The following TRIM44 variants were observed in gnomAD, a reference collection of about 807,000 sequenced individuals.
The protein encoded by TRIM44 is tripartite motif containing 44, also known as tripartite motif-containing protein 44.
A neutral mutation model predicts 37.4 loss-of-function variants in TRIM44; 13 were observed. That is an observed-to-expected ratio of 0.35 (90% CI 0.23 to 0.55). The LOEUF is 0.55. Ranked by LOEUF, TRIM44 falls within the 20% of genes least tolerant of loss-of-function variation. The pLI is 0.89. For missense variants in TRIM44, 426 were observed against 437.2 expected (o/e 0.97, Z 0.23); for synonymous variants, 175 against 157.2 (o/e 1.11, Z -0.85).
At chr11:35,677,413 TA>T (rs765867393) in intron 1 of TRIM44, among the ~76,000 whole-genome samples, 48 of 151,532 alleles carry the variant, frequency 3.2e-4, no homozygotes, top group African/African-American at 5.1e-4. Flanking sequence ...ATTAGTAAAA[TA>T]TTTTTTTTAT....
intron 4 of TRIM44, among the ~76,000 whole-genome samples, chr11:35,737,944 T>G (rs923802635): frequency 2.6e-5 from 4 of 152,194 alleles, no homozygotes; most frequent in Non-Finnish European, 5.9e-5. Flanking sequence ...GGTTCGGTTT[T>G]TATCATTTTC....
intron 2 of TRIM44, among the ~76,000 whole-genome samples, chr11:35,699,079 A>G (rs1851744820): frequency 6.8e-6 from 1 of 147,958 alleles, no homozygotes; most frequent in Non-Finnish European, 1.5e-5. Context: ...AGGTTTGTCA[A>G]AGATCAGATA....
In TRIM44 at chr11:35,737,384, C is replaced by T. The variant is rs117495305; in HGVS notation, c.1007+1939C>T. Among the ~76,000 whole-genome samples the T allele has an allele frequency of 1.2e-3, 176 of 152,176 alleles. 2 individuals carry two copies. In the East Asian group the frequency reaches 0.027, roughly 23 times the overall value. ...AATGGAAAATGAATTGGAGGTGGATCGAGAGCCTGGGAGACTTCCAGGCAC... is the reference window on the plus strand; with the variant it reads ...AATGGAAAATGAATTGGAGGTGGATTGAGAGCCTGGGAGACTTCCAGGCAC... On this transcript the variant is annotated intron_variant, in intron 4 of 4. Coordinates refer to ENST00000299413, the MANE Select transcript of TRIM44 (RefSeq NM_017583.6).
Position 35,766,751 on chromosome 11 carries a change from G to C in TRIM44, c.1007+31306G>C, listed in dbSNP as rs115259196. ...CATCTCTTACTAATTCAGTGACCATGAATAAGCTCCAACATCTTAGAACCT... is the reference window on the plus strand; with the variant it reads ...CATCTCTTACTAATTCAGTGACCATCAATAAGCTCCAACATCTTAGAACCT... On this transcript the variant is annotated intron_variant, in intron 4 of 4. Transcript: ENST00000299413. Among the ~76,000 whole-genome samples, 1,263 of 152,290 alleles carry C rather than the reference G, an allele frequency of 8.3e-3. 16 individuals carry two copies. Among genetic ancestry groups the C allele is most frequent in the African/African-American group, 0.028 (1,173 of 41,564 alleles).
At chr11:35,706,416 G>A (rs543696790) in intron 2 of TRIM44, among the ~76,000 whole-genome samples, 1 of 152,266 alleles carries the variant, frequency 6.6e-6, no homozygotes, top group Non-Finnish European at 1.5e-5. Context: ...ATTTTATGAG[G>A]CCAGCATCAT....
chr11:35,691,245 GTC>G (rs1401092254), intron 2 of TRIM44, among the ~76,000 whole-genome samples: 1 of 152,204 alleles, frequency 6.6e-6, no homozygotes, highest in African/African-American at 2.4e-5. Flanking sequence ...TGCTCCCTCA[GTC>G]TTGCTCTAGG....
chr11:35,735,564 T>G (rs1652419236), intron 4 of TRIM44, 119 bp downstream of exon 4: 1 of 995,720 alleles, frequency 1.0e-6, no homozygotes, highest in African/African-American at 1.6e-5. Context: ...GATCTCTATC[T>G]TAAGCCTGGG....
intron 2 of TRIM44, among the ~76,000 whole-genome samples, chr11:35,724,942 T>C (rs1852152799): frequency 1.3e-5 from 2 of 152,166 alleles, no homozygotes; most frequent in Admixed American, 1.3e-4. Context: ...AAAAAACTCA[T>C]ATGCGTATAT....
rs1220280862 is a variant in TRIM44, at chr11:35,814,297, G to A, written c.*7912G>A. The A allele has an allele frequency of 6.6e-6, 1 of 152,168 alleles. No homozygotes were observed. The highest frequency in any genetic ancestry group is 1.5e-5 in the Non-Finnish European group (1 of 68,024). 9.4% of individuals were successfully genotyped at this position (152,168 alleles called of 1,614,324 possible). A position where few individuals can be genotyped will look rare whatever the true frequency, so the allele number is the denominator to read the frequency against. On this transcript the variant is annotated 3_prime_UTR_variant, in exon 5 of 5. Transcript: ENST00000299413. ...GACAGCTTGTGGTTGGTGGTTTCTAGAAGAAATAATTCAGAAGCAAAAGAC... is the reference window on the plus strand; with the variant it reads ...GACAGCTTGTGGTTGGTGGTTTCTAAAAGAAATAATTCAGAAGCAAAAGAC...
Position 35,705,862 on chromosome 11 carries a change from C to G in TRIM44, c.748-20062C>G, listed in dbSNP as rs532171407. Among the ~76,000 whole-genome samples the G allele has an allele frequency of 4.0e-5, 6 of 148,358 alleles. No individual in the cohort carries two copies. In the East Asian group the frequency reaches 7.9e-4, roughly 19 times the overall value. On this transcript the variant is annotated intron_variant, in intron 2 of 4. Coordinates refer to ENST00000299413, the MANE Select transcript of TRIM44 (RefSeq NM_017583.6). ...ATCACAATTAAAAGAACTAGAAAAGCAAGAGCAAACACATTCAAAAGCTAG... is the reference window on the plus strand; with the variant it reads ...ATCACAATTAAAAGAACTAGAAAAGGAAGAGCAAACACATTCAAAAGCTAG...
chr11:35,754,777 A>G lies in TRIM44; in HGVS notation c.1007+19332A>G, dbSNP rs545209068. 2.0e-5 allele frequency among the ~76,000 whole-genome samples: 3 copies of G among 151,086 alleles called. No homozygotes were observed. In the East Asian group the frequency reaches 5.9e-4, roughly 30 times the overall value. On this transcript the variant is annotated intron_variant, in intron 4 of 4. Transcript: ENST00000299413. Reference sequence around the variant, plus strand: ...GTGTTTGGTTTTTTGTTCTTGCAATAGTTTGCTGAGAATGATGGTTTCCAG... The same window carrying G: ...GTGTTTGGTTTTTTGTTCTTGCAATGGTTTGCTGAGAATGATGGTTTCCAG...
At chr11:35,702,459 G>A (rs1851802120) in intron 2 of TRIM44, among the ~76,000 whole-genome samples, 1 of 152,204 alleles carries the variant, frequency 6.6e-6, no homozygotes, top group African/African-American at 2.4e-5. Flanking sequence ...CCTATGAACG[G>A]AATCTGCCGT....
chr11:35,723,071 T>C (rs1308475775), intron 2 of TRIM44, among the ~76,000 whole-genome samples: 1 of 148,186 alleles, frequency 6.7e-6, no homozygotes, highest in African/African-American at 2.5e-5. Context: ...CTTCCAACTC[T>C]CTCCCTCCCT....
chr11:35,705,300 C>T (rs1372699490), intron 2 of TRIM44, among the ~76,000 whole-genome samples: 1 of 152,074 alleles, frequency 6.6e-6, no homozygotes, highest in African/African-American at 2.4e-5. Context: ...TAGATTCCCA[C>T]ACAATAATAA....
At chr11:35,663,876 T>C in intron 1 of TRIM44, 96 bp downstream of exon 1, 1 of 1,420,708 alleles carries the variant, frequency 7.0e-7, no homozygotes, top group Non-Finnish European at 9.5e-7. Flanking sequence ...TTTCACTGTG[T>C]CCCTAAGAAG....
intron 1 of TRIM44, among the ~76,000 whole-genome samples, chr11:35,676,706 T>G (rs1282959736): frequency 6.6e-6 from 1 of 152,184 alleles, no homozygotes; most frequent in African/African-American, 2.4e-5. Context: ...GATGTAAGGT[T>G]AAGTTTATAT....
chr11:35,744,609 G>A (rs1852462744), intron 4 of TRIM44, among the ~76,000 whole-genome samples: 1 of 151,984 alleles, frequency 6.6e-6, no homozygotes, highest in Non-Finnish European at 1.5e-5. Flanking sequence ...GGACGTGCAG[G>A]TTTGTTACAT....
intron 1 of TRIM44, among the ~76,000 whole-genome samples, chr11:35,673,500 AAT>A (rs1851424249): frequency 6.6e-6 from 1 of 152,266 alleles, no homozygotes; most frequent in African/African-American, 2.4e-5. Flanking sequence ...CTATGGAGGG[AAT>A]ATGAGATTAT....
Position 35,757,371 on chromosome 11 carries a change from C to T in TRIM44, c.1007+21926C>T, listed in dbSNP as rs548635948. On this transcript the variant is annotated intron_variant, in intron 4 of 4. Coordinates refer to ENST00000299413, the MANE Select transcript of TRIM44 (RefSeq NM_017583.6). ...ATATCCCCTTTATCATTTTTTATTG[C>T]GTCTATTTGATTCTTCTCTCTTTTC... Among the ~76,000 whole-genome samples the T allele has an allele frequency of 1.9e-3, 286 of 151,902 alleles. 1 individual carries two copies. The highest frequency in any genetic ancestry group is 6.8e-3 in the Middle Eastern group (2 of 294).
Sources: allele counts gnomAD v4.1 joint callset (sites outside exome capture counted in the v4.1 genomes callset), GRCh38; gene constraint gnomAD v4.1.1; transcripts MANE v1.5; gene names NCBI Gene and HGNC (gene_info 2026-07-23, HGNC 2026-07-21).